The following IMPG1 variants were observed in gnomAD, a reference collection of about 807,000 sequenced individuals.
IMPG1 encodes the protein interphotoreceptor matrix proteoglycan 1, also known as interphotoreceptor matrix proteoglycan of 150 kDa.
A neutral mutation model predicts 92.0 loss-of-function variants in IMPG1; 85 were observed. That is an observed-to-expected ratio of 0.92 (90% CI 0.78 to 1.11). The LOEUF (loss-of-function observed/expected upper bound fraction) is 1.11. Among genes scored for constraint, IMPG1 ranks in the 50% least tolerant of loss-of-function variants. The pLI is 0.00. For missense variants in IMPG1, 1,022 were observed against 956.0 expected (o/e 1.07, Z -0.91); for synonymous variants, 367 against 334.1 (o/e 1.10, Z -1.08).
chr6:75,949,939 A>T, intron 13 of IMPG1, among the ~76,000 whole-genome samples: 1 of 152,228 alleles, frequency 6.6e-6, no homozygotes, highest in Non-Finnish European at 1.5e-5. Flanking sequence ...GAGGTATTAC[A>T]TAGTTCAACA....
At chr6:76,038,557 C>T (rs185314414) in intron 2 of IMPG1, among the ~76,000 whole-genome samples, 587 of 152,232 alleles carry the variant, frequency 3.9e-3, no homozygotes, top group Non-Finnish European at 5.8e-3. Flanking sequence ...ATCAAAAAAA[C>T]CCTTGAAAAT....
At position 75,947,373 on chromosome 6, in the gene IMPG1, G is replaced by A. The variant is rs760558589; in HGVS notation, c.1985C>T (p.Ser662Phe). 4.3e-6 allele frequency: 7 copies of A among 1,613,904 alleles called. No individual in the cohort carries two copies. The highest frequency in any genetic ancestry group is 5.9e-6 in the Non-Finnish European group (7 of 1,179,936). Residue 662 changes from serine (S) to phenylalanine (F), a missense_variant, in exon 14 of 17, where the codon TCT (serine) becomes TTT (phenylalanine). By Grantham distance (155) the Ser-to-Phe change is radical. This residue lies in a region of IMPG1 where 332 missense variants were observed against 346.2 expected (regional missense o/e 0.96). Coordinates refer to ENST00000369950, the MANE Select transcript of IMPG1 (RefSeq NM_001563.4). Reference protein sequence around the residue: ...AVHGVLEDFRSAAAQQLHLEI... With the variant: ...AVHGVLEDFRFAAAQQLHLEI... ...CAGATGGAGTTGTTGGGCTGCAGCA[G>A]AACGAAAATCCTCCAAGACCCCGTG...
chr6:76,045,150 G>C (rs903831709), intron 1 of IMPG1, among the ~76,000 whole-genome samples: 1 of 152,040 alleles, frequency 6.6e-6, no homozygotes, highest in Admixed American at 6.6e-5. Context: ...TCCCTGTTTG[G>C]GAAATAAATT....
chr6:75,962,924 C>T (rs1320611454), intron 12 of IMPG1, among the ~76,000 whole-genome samples: 1 of 151,898 alleles, frequency 6.6e-6, no homozygotes, highest in African/African-American at 2.4e-5. Context: ...GCCTGTAGTC[C>T]CAGCTACGTG....
At chr6:75,936,530 T>A (rs558534582) in intron 14 of IMPG1, among the ~76,000 whole-genome samples, 45 of 152,210 alleles carry the variant, frequency 3.0e-4, no homozygotes, top group African/African-American at 1.1e-3. Flanking sequence ...TTAACAAGAG[T>A]TCTTTCTGGT....
At position 76,033,374 on chromosome 6, in the gene IMPG1, G is replaced by A. The variant is rs184818674; in HGVS notation, c.497+941C>T. 2.0e-3 allele frequency among the ~76,000 whole-genome samples: 297 copies of A among 152,302 alleles called. 1 individual carries two copies. Among genetic ancestry groups the A allele is most frequent in the Admixed American group, 3.1e-3 (47 of 15,302 alleles). ...GCCTCCTGCACACAGACACGGAGGT[G>A]GGCTGGAAAAGGTTGGGAGTGGATA... On this transcript the variant is annotated intron_variant, in intron 4 of 16. Coordinates refer to ENST00000369950, the MANE Select transcript of IMPG1 (RefSeq NM_001563.4).
intron 14 of IMPG1, among the ~76,000 whole-genome samples, chr6:75,936,476 A>G: frequency 6.6e-6 from 1 of 152,228 alleles, no homozygotes; most frequent in East Asian, 1.9e-4. Flanking sequence ...ATAGCACAGC[A>G]CCATGCACAT....
chr6:75,986,865 A>C (rs925801545), intron 12 of IMPG1, among the ~76,000 whole-genome samples: 4 of 152,226 alleles, frequency 2.6e-5, no homozygotes, highest in African/African-American at 9.6e-5. Flanking sequence ...AAACCAACAA[A>C]ATCTCAGATG....
chr6:75,931,128 A>G lies in IMPG1; in HGVS notation c.2068T>C (p.Phe690Leu), dbSNP rs772358687. 1.9e-6 allele frequency: 3 copies of G among 1,613,698 alleles called. 1 individual carries two copies. In the South Asian group the frequency reaches 3.3e-5, roughly 18 times the overall value. ...EPADQADPCK[F>L]LACGEFAQCV... ...TGGGCAAATTCGCCGCAGGCCAGGA[A>G]CTTGCAGGGATCTGCTTGATCAGCT... The change falls in exon 15 of 17, where the codon TTC becomes CTC. Residue 690 changes from phenylalanine (F) to leucine (L), a missense_variant. Phe to Leu is a conservative substitution (Grantham distance 22). Transcript: ENST00000369950.
At chr6:76,023,601 T>G (rs1387938989) in intron 5 of IMPG1, among the ~76,000 whole-genome samples, 1 of 152,164 alleles carries the variant, frequency 6.6e-6, no homozygotes, top group Non-Finnish European at 1.5e-5. Flanking sequence ...TAATCTTAAC[T>G]GTTCTGTGTG....
chr6:76,064,229 G>A (rs1161494555), intron 1 of IMPG1, among the ~76,000 whole-genome samples: 3 of 151,414 alleles, frequency 2.0e-5, no homozygotes, highest in African/African-American at 7.2e-5. Flanking sequence ...TGCCTACCAG[G>A]CTGGGGCTTG....
chr6:75,974,330 C>CCTTTCTTTCTTT lies in IMPG1; in HGVS notation c.1292-23248_1292-23237dup, dbSNP rs558072098. Among the ~76,000 whole-genome samples the CCTTTCTTTCTTT allele has an allele frequency of 8.2e-3, 808 of 98,260 alleles. 13 individuals are homozygous for CCTTTCTTTCTTT. The highest frequency in any genetic ancestry group is 0.011 in the Middle Eastern group (2 of 190). The allele number at this position is 98,260 out of a possible 152,430, so 64.5% of individuals were successfully genotyped here. A position where few individuals can be genotyped will look rare whatever the true frequency, so the allele number is the denominator to read the frequency against. On this transcript the variant is annotated intron_variant, in intron 12 of 16. Transcript: ENST00000369950. ...TTTTCTTTCTTTCCCTCTTTCTTTC[C>CCTTTCTTTCTTT]CTTTCTTTCTTTCTTTCTTTCTTTC... is the stretch of plus-strand genomic sequence containing the variant.
At chr6:75,955,303 T>C (rs1205010242) in intron 12 of IMPG1, among the ~76,000 whole-genome samples, 2 of 152,216 alleles carry the variant, frequency 1.3e-5, no homozygotes, top group African/African-American at 2.4e-5. Flanking sequence ...CAGTGGTTTA[T>C]AGTTCACCTT....
chr6:75,980,298 A>G (rs1032111625), intron 12 of IMPG1, among the ~76,000 whole-genome samples: 1 of 152,228 alleles, frequency 6.6e-6, no homozygotes, highest in Non-Finnish European at 1.5e-5. Flanking sequence ...TGAGGTTTAA[A>G]GGTATATCAG....
intron 9 of IMPG1, among the ~76,000 whole-genome samples, 195 bp from the exon 10 acceptor site, chr6:76,005,729 T>C (rs1309716407): frequency 1.3e-5 from 2 of 152,050 alleles, no homozygotes; most frequent in Non-Finnish European, 2.9e-5. Context: ...ATATATCTTT[T>C]AGTTCTAAAA....
At chr6:76,038,730 C>T in intron 2 of IMPG1, among the ~76,000 whole-genome samples, 1 of 152,216 alleles carries the variant, frequency 6.6e-6, no homozygotes, top group Non-Finnish European at 1.5e-5. Flanking sequence ...GCCTCACTCC[C>T]ACCCCAGTCT....
chr6:75,980,417 C>T (rs753943648), intron 12 of IMPG1, among the ~76,000 whole-genome samples: 5 of 152,098 alleles, frequency 3.3e-5, no homozygotes, highest in Non-Finnish European at 5.9e-5. Flanking sequence ...TGCAAAGCAT[C>T]GTTCCTGGGT....
chr6:75,954,354 T>C (rs1782082335), intron 12 of IMPG1, among the ~76,000 whole-genome samples: 1 of 152,250 alleles, frequency 6.6e-6, no homozygotes, highest in South Asian at 2.1e-4. Context: ...TGCATTTCTC[T>C]AATGACCAGT....
chr6:76,023,929 T>A lies in IMPG1; in HGVS notation c.562+1265A>T, dbSNP rs367551887. On this transcript the variant is annotated intron_variant, in intron 5 of 16. Transcript: ENST00000369950. ...TTTGTTTTCCCATATTAAAATGAAG[T>A]CAGTACAAAACGTCTTTTTACATGT... Among the ~76,000 whole-genome samples the A allele has an allele frequency of 1.9e-4, 29 of 152,304 alleles. No homozygotes were observed. In the East Asian group the frequency reaches 5.6e-3, roughly 29 times the overall value.
Sources: allele counts gnomAD v4.1 joint callset (sites outside exome capture counted in the v4.1 genomes callset), GRCh38; gene constraint gnomAD v4.1.1; regional missense constraint gnomAD v4.1.1; transcripts MANE v1.5; gene names NCBI Gene and HGNC (gene_info 2026-07-23, HGNC 2026-07-21).